Variants in TRAPPC9 observed in about 807,000 individuals in gnomAD.
The protein encoded by TRAPPC9 is IKK2 binding protein.
Under a neutral mutation model 124.0 loss-of-function variants are expected in TRAPPC9, and 83 were observed. The ratio of observed to expected loss-of-function variants is 0.67; its 90% CI spans 0.56 to 0.80. The LOEUF is 0.80. TRAPPC9 is among the 30% of genes least tolerant of loss of function. TRAPPC9 has a pLI of 0.00. For missense variants in TRAPPC9, 1,302 were observed against 1,508.3 expected (o/e 0.86, Z 2.27); for synonymous variants, 638 against 617.5 (o/e 1.03, Z -0.49).
At chr8:140,163,565 G>A (rs1266872255) in intron 17 of TRAPPC9, among the ~76,000 whole-genome samples, 1 of 152,240 alleles carries the variant, frequency 6.6e-6, no homozygotes, top group Non-Finnish European at 1.5e-5. Context: ...CGGAGAGGGT[G>A]GCGGGCAGAT....
rs2132756108 is a variant in TRAPPC9, at chr8:140,457,730, C to T, written c.-102G>A. Reference sequence around the variant, plus strand: ...CTGCGGCCACTTCCCAGGCTCTGGGCTGGCGCTTCCTACTGGCGGCCGAGC... The same window carrying T: ...CTGCGGCCACTTCCCAGGCTCTGGGTTGGCGCTTCCTACTGGCGGCCGAGC... On this transcript the variant is annotated 5_prime_UTR_variant, in exon 1 of 23. Transcript: ENST00000438773. The T allele has an allele frequency of 3.0e-6, 3 of 995,582 alleles. No individual in the cohort carries two copies. The highest frequency in any genetic ancestry group is 3.6e-6 in the Non-Finnish European group (3 of 836,152). The allele number at this position is 995,582 out of a possible 1,614,324, so 61.7% of individuals were successfully genotyped here. A position where few individuals can be genotyped will look rare whatever the true frequency, so the allele number is the denominator to read the frequency against.
chr8:139,942,889 G>A (rs1244897376), intron 19 of TRAPPC9, among the ~76,000 whole-genome samples: 2 of 152,154 alleles, frequency 1.3e-5, no homozygotes, highest in Non-Finnish European at 2.9e-5. Flanking sequence ...CAAGGGAAAG[G>A]GAGGGAGAGT....
intron 17 of TRAPPC9, among the ~76,000 whole-genome samples, chr8:140,170,505 G>A (rs2061946194): frequency 6.6e-6 from 1 of 152,132 alleles, no homozygotes. Flanking sequence ...CAAGGGTTGT[G>A]GGAGAAAGGT....
chr8:139,958,475 T>C (rs1485870297), intron 19 of TRAPPC9, among the ~76,000 whole-genome samples: 1 of 152,212 alleles, frequency 6.6e-6, no homozygotes, highest in Non-Finnish European at 1.5e-5. Context: ...TGATGGCATT[T>C]GCGTCTGTGC....
At chr8:140,018,594 T>C (rs980259149) in intron 18 of TRAPPC9, among the ~76,000 whole-genome samples, 1 of 152,162 alleles carries the variant, frequency 6.6e-6, no homozygotes, top group African/African-American at 2.4e-5. Flanking sequence ...CCCAAAGTGC[T>C]GGGATTACAG....
At chr8:139,884,638 C>T (rs767368740) in intron 21 of TRAPPC9, among the ~76,000 whole-genome samples, 5 of 152,324 alleles carry the variant, frequency 3.3e-5, no homozygotes, top group Middle Eastern at 3.4e-3. Flanking sequence ...TCTAGGGACA[C>T]GGCTGACTGT....
chr8:139,899,120 C>CAAAAAAAA (rs33927933), intron 20 of TRAPPC9, among the ~76,000 whole-genome samples: 1 of 45,458 alleles, frequency 2.2e-5, no homozygotes, highest in Admixed American at 2.8e-4. Context: ...AACTCCGTCT[C>CAAAAAAAA]AAAAAAAAAA....
At chr8:139,895,649 T>A (rs954241641) in intron 20 of TRAPPC9, among the ~76,000 whole-genome samples, 2 of 152,220 alleles carry the variant, frequency 1.3e-5, no homozygotes, top group Non-Finnish European at 2.9e-5. Flanking sequence ...ACTATGGGCC[T>A]GGGACGCTGG....
chr8:140,350,588 G>A (rs937866098), intron 9 of TRAPPC9, among the ~76,000 whole-genome samples: 1 of 152,068 alleles, frequency 6.6e-6, no homozygotes, highest in African/African-American at 2.4e-5. Context: ...ACTGGGAAAC[G>A]CAAAGCGGCG....
At chr8:139,979,492 G>A (rs28430440) in intron 19 of TRAPPC9, among the ~76,000 whole-genome samples, 4,681 of 152,244 alleles carry the variant, frequency 0.031, 232 homozygotes, top group African/African-American at 0.1. Flanking sequence ...TCGGGTGCAC[G>A]GTCGGCACCA....
chr8:139,919,382 C>G (rs1412622757), intron 19 of TRAPPC9, among the ~76,000 whole-genome samples: 1 of 152,156 alleles, frequency 6.6e-6, no homozygotes, highest in African/African-American at 2.4e-5. Context: ...TATTATAATG[C>G]TTTTGGGAGC....
At chr8:139,861,184 G>A (rs564178190) in intron 21 of TRAPPC9, among the ~76,000 whole-genome samples, 2 of 152,362 alleles carry the variant, frequency 1.3e-5, no homozygotes, top group East Asian at 3.9e-4. Flanking sequence ...CAGAAAGGGT[G>A]CTCCTTGCAG....
At chr8:140,365,520 T>A (rs1267002090) in intron 8 of TRAPPC9, among the ~76,000 whole-genome samples, 1 of 152,214 alleles carries the variant, frequency 6.6e-6, no homozygotes, top group Non-Finnish European at 1.5e-5. Context: ...GGCACCAGGC[T>A]TAGCAAGGCA....
intron 19 of TRAPPC9, among the ~76,000 whole-genome samples, chr8:139,965,544 T>C (rs763581883): frequency 9.9e-5 from 15 of 152,226 alleles, no homozygotes; most frequent in Non-Finnish European, 2.1e-4. Flanking sequence ...TTTTTAATAG[T>C]AGAAAATTTA....
In TRAPPC9 at chr8:140,345,097, C is replaced by A. The variant is rs6992777; in HGVS notation, c.1495+14953G>T. Reference sequence around the variant, plus strand: ...GGTCGACAGTCAGGCCTGCAGCACCCCAGAAGGAAGAAGTACAGGCACCAT... The same window carrying A: ...GGTCGACAGTCAGGCCTGCAGCACCACAGAAGGAAGAAGTACAGGCACCAT... On this transcript the variant is annotated intron_variant, in intron 9 of 22. Transcript: ENST00000438773. Among the ~76,000 whole-genome samples the A allele has an allele frequency of 7.2e-5, 11 of 152,236 alleles. No homozygotes were observed. The South Asian group carries it at 8.3e-4, about 11-fold the overall frequency.
At chr8:139,828,679 C>G (rs1245896519) in intron 21 of TRAPPC9, among the ~76,000 whole-genome samples, 2 of 152,166 alleles carry the variant, frequency 1.3e-5, no homozygotes, top group Non-Finnish European at 2.9e-5. Context: ...ACAAGGTCAT[C>G]GACACATCAT....
intron 20 of TRAPPC9, among the ~76,000 whole-genome samples, chr8:139,899,752 C>T (rs1158196218): frequency 6.6e-6 from 1 of 152,168 alleles, no homozygotes; most frequent in African/African-American, 2.4e-5. Flanking sequence ...ATGAGTTTCA[C>T]AAGTCAGGTA....
chr8:139,767,130 C>A, intron 21 of TRAPPC9, among the ~76,000 whole-genome samples: 1 of 152,220 alleles, frequency 6.6e-6, no homozygotes, highest in East Asian at 1.9e-4. Context: ...AGGTGCTTTA[C>A]ACATCATCTG....
intron 1 of TRAPPC9, among the ~76,000 whole-genome samples, chr8:140,457,130 G>C (rs550278992): frequency 6.6e-6 from 1 of 152,254 alleles, no homozygotes; most frequent in Non-Finnish European, 1.5e-5. Flanking sequence ...CGGGAACTCA[G>C]GGCGGGGAAA....
Sources: gnomAD v4.1 joint callset for allele counts (sites outside exome capture counted in the v4.1 genomes callset) on GRCh38, gnomAD v4.1.1 for gene constraint, MANE v1.5 for transcripts, NCBI Gene and HGNC (gene_info 2026-07-23, HGNC 2026-07-21) for gene names.